Variants in NTN4 observed in about 807,000 individuals in gnomAD.
NTN4 encodes netrin-4.
Under a neutral mutation model 73.6 loss-of-function variants are expected in NTN4, and 32 were observed. The ratio of observed to expected loss-of-function variants is 0.44; its 90% CI spans 0.33 to 0.58. NTN4 has a LOEUF of 0.58. Among genes scored for constraint, NTN4 ranks in the 20% least tolerant of loss-of-function variants. The pLI, the probability that NTN4 is intolerant of heterozygous loss-of-function variation, is 0.04. For missense variants in NTN4, 654 were observed against 798.3 expected (o/e 0.82, Z 2.18); for synonymous variants, 258 against 287.5 (o/e 0.90, Z 1.04).
chr12:95,711,099 G>A lies in NTN4; in HGVS notation c.992-470C>T, dbSNP rs531012607. 3.3e-5 allele frequency among the ~76,000 whole-genome samples: 5 copies of A among 152,296 alleles called. No homozygotes were observed. The South Asian group carries it at 1.0e-3, about 32-fold the overall frequency. On this transcript the variant is annotated intron_variant, in intron 4 of 9. Transcript: ENST00000343702. ...AAAGCAATATAGAAAGGTATCCATT[G>A]AGAAATCTAGCCTCGGCCTCCCCAT...
chr12:95,678,408 A>G lies in NTN4; in HGVS notation c.1510+4299T>C, dbSNP rs77708544. Among the ~76,000 whole-genome samples, 3 of 152,034 alleles carry G rather than the reference A, an allele frequency of 2.0e-5. No homozygotes were observed. The East Asian group carries it at 5.8e-4, about 29-fold the overall frequency. On this transcript the variant is annotated intron_variant, in intron 7 of 9. Coordinates refer to ENST00000343702, the MANE Select transcript of NTN4 (RefSeq NM_021229.4). The stretch of plus-strand genomic sequence containing the variant: ...CGGAAAAAAATTATTTTCAAATACC[A>G]CATTGATAGATTACAGGAGGAAAAC...
chr12:95,760,482 C>T (rs7955568), intron 2 of NTN4, among the ~76,000 whole-genome samples: 83,395 of 151,644 alleles, frequency 0.55, 23,140 homozygotes, highest in East Asian at 0.68. Flanking sequence ...TCTAGCTGCC[C>T]TGGCCTCCTT....
intron 7 of NTN4, among the ~76,000 whole-genome samples, chr12:95,676,486 G>T (rs143734418): frequency 6.6e-6 from 1 of 151,970 alleles, no homozygotes; most frequent in Non-Finnish European, 1.5e-5. Context: ...GGATTAAAGC[G>T]AAATTCTTAA....
intron 7 of NTN4, among the ~76,000 whole-genome samples, chr12:95,680,605 CAAACG>C (rs957752746): frequency 7.2e-5 from 11 of 152,266 alleles, no homozygotes; most frequent in African/African-American, 2.6e-4. Context: ...AAATGGCAAA[CAAACG>C]AGAGAATAAA....
intron 7 of NTN4, chr12:95,672,907 G>C (rs2078244537): frequency 1.6e-6 from 2 of 1,246,536 alleles, no homozygotes; most frequent in Non-Finnish European, 2.4e-6. Flanking sequence ...AGGTCTCTCT[G>C]AAGAGGCTAT....
intron 5 of NTN4, among the ~76,000 whole-genome samples, chr12:95,704,509 C>T (rs1311388646): frequency 6.6e-6 from 1 of 152,058 alleles, no homozygotes; most frequent in Non-Finnish European, 1.5e-5. Flanking sequence ...TCAGTTATAA[C>T]TGAAGCAGTG....
intron 2 of NTN4, among the ~76,000 whole-genome samples, chr12:95,757,370 C>A (rs1483647492): frequency 1.3e-5 from 2 of 152,162 alleles, no homozygotes; most frequent in Non-Finnish European, 2.9e-5. Context: ...AGTACTTGAA[C>A]CCAGGTTGTT....
At chr12:95,662,226 T>A in intron 9 of NTN4, among the ~76,000 whole-genome samples, 1 of 82,006 alleles carries the variant, frequency 1.2e-5, no homozygotes, top group Non-Finnish European at 2.2e-5. Flanking sequence ...CTGTTCTTCC[T>A]TTTTCTTTCT....
At chr12:95,756,745 C>T (rs1163857630) in intron 2 of NTN4, among the ~76,000 whole-genome samples, 2 of 152,034 alleles carry the variant, frequency 1.3e-5, no homozygotes, top group Non-Finnish European at 2.9e-5. Context: ...TTCTTCCTCT[C>T]TTTGTACCCA....
chr12:95,772,988 TTTTTTTTTC>T, intron 2 of NTN4, among the ~76,000 whole-genome samples: 1 of 46,708 alleles, frequency 2.1e-5, no homozygotes, highest in Non-Finnish European at 4.8e-5. Context: ...TCCAATGGCT[TTTTTTTTTC>T]TTTTTTCTTT....
intron 3 of NTN4, among the ~76,000 whole-genome samples, chr12:95,730,020 T>C (rs1012946412): frequency 6.6e-6 from 1 of 152,152 alleles, no homozygotes; most frequent in African/African-American, 2.4e-5. Flanking sequence ...AATGTTATAC[T>C]GAAAAGGAAG....
intron 3 of NTN4, among the ~76,000 whole-genome samples, chr12:95,726,901 C>T (rs988664151): frequency 3.0e-4 from 45 of 151,762 alleles, no homozygotes; most frequent in African/African-American, 8.2e-4. Context: ...ACCTGGGAGG[C>T]GGGGCTTGCA....
intron 2 of NTN4, among the ~76,000 whole-genome samples, chr12:95,772,493 T>TA (rs1243495422): frequency 6.6e-6 from 1 of 152,130 alleles, no homozygotes; most frequent in Non-Finnish European, 1.5e-5. Context: ...ATCTCACACA[T>TA]ATGTTTGGTC....
rs2079200872 is a variant in NTN4, at chr12:95,790,479, G to A, written c.-170C>T. Reference sequence around the variant, plus strand: ...GGTCGCCGGCAGCTGGGAGCCAGGGGCCGGGACCGCGCGGGGAGGTGGGGT... The same window carrying A: ...GGTCGCCGGCAGCTGGGAGCCAGGGACCGGGACCGCGCGGGGAGGTGGGGT... On this transcript the variant is annotated 5_prime_UTR_variant, in exon 1 of 10. Transcript: ENST00000343702. The surrounding 1 kb of genome is among the most constrained non-coding windows in gnomAD (Gnocchi z 6.5). 3.9e-6 allele frequency: 2 copies of A among 513,604 alleles called. No homozygotes were observed. The highest frequency in any genetic ancestry group is 6.5e-6 in the Non-Finnish European group (2 of 306,290). The allele number at this position is 513,604 out of a possible 1,614,324, so 31.8% of individuals were successfully genotyped here.
intron 3 of NTN4, among the ~76,000 whole-genome samples, chr12:95,737,448 C>T (rs2078786690): frequency 6.6e-6 from 1 of 152,198 alleles, no homozygotes; most frequent in Non-Finnish European, 1.5e-5. Flanking sequence ...ATTCATTCTG[C>T]TGGCTGGACA....
intron 5 of NTN4, among the ~76,000 whole-genome samples, chr12:95,700,300 C>A (rs1306287224): frequency 6.6e-6 from 1 of 151,614 alleles, no homozygotes; most frequent in Non-Finnish European, 1.5e-5. Context: ...ATGCTAGAGA[C>A]AAGACTGCTA....
chr12:95,683,802 C>T (rs918626592), intron 5 of NTN4, 91 bp from the exon 6 acceptor site: 1 of 849,496 alleles, frequency 1.2e-6, no homozygotes, highest in Admixed American at 2.1e-5. Context: ...GGCTTCCCTT[C>T]ACCACACAGC....
chr12:95,760,680 CTT>C lies in NTN4; in HGVS notation c.586-22538_586-22537del, dbSNP rs11308260. Among the ~76,000 whole-genome samples, 78 of 130,742 alleles carry C rather than the reference CTT, an allele frequency of 6.0e-4. 1 individual carries two copies. The highest frequency in any genetic ancestry group is 4.1e-3 in the Middle Eastern group (1 of 246). The allele number at this position is 130,742 out of a possible 152,430, so 85.8% of individuals were successfully genotyped here. ...CAATGTCTGAAAACAATTGTATCAT[CTT>C]TTTTTTTTTTTTTTTTCTCGCTTAA... is the stretch of plus-strand genomic sequence containing the variant. On this transcript the variant is annotated intron_variant, in intron 2 of 9. Coordinates refer to ENST00000343702, the MANE Select transcript of NTN4 (RefSeq NM_021229.4).
chr12:95,774,363 G>A (rs912288380), intron 2 of NTN4, among the ~76,000 whole-genome samples: 1 of 152,160 alleles, frequency 6.6e-6, no homozygotes, highest in Admixed American at 6.5e-5. Flanking sequence ...TAATATTGGT[G>A]CTTAACTAAG....
Sources: allele counts gnomAD v4.1 joint callset (sites outside exome capture counted in the v4.1 genomes callset), GRCh38; gene constraint gnomAD v4.1.1; non-coding constraint Gnocchi (gnomAD v3.1); transcripts MANE v1.5; gene names NCBI Gene and HGNC (gene_info 2026-07-23, HGNC 2026-07-21).